BOC: variants seen among roughly 807,000 people sequenced by gnomAD.
BOC encodes brother of CDO.
In BOC, 76 loss-of-function variants were observed where a neutral mutation model predicts 112.0. That is an observed-to-expected ratio of 0.68 (90% confidence interval 0.56 to 0.82). BOC has a LOEUF of 0.82. BOC is among the 40% of genes least tolerant of loss of function. The pLI is 0.00. For missense variants in BOC, 1,309 were observed against 1,511.7 expected (o/e 0.87, Z 2.22); for synonymous variants, 580 against 599.8 (o/e 0.97, Z 0.48).
In BOC at chr3:113,286,807, T is replaced by A; in HGVS notation, c.3293T>A (p.Leu1098His). Reference protein sequence around the residue: ...AYVGQEPGMQLSPGPLVRVSF... With the variant: ...AYVGQEPGMQHSPGPLVRVSF... Reference sequence around the variant, plus strand: ...GTAGGACAGGAACCTGGAATGCAGCTCTCCCCGGGGCCACTGGTGCGTGTG... The same window carrying A: ...GTAGGACAGGAACCTGGAATGCAGCACTCCCCGGGGCCACTGGTGCGTGTG... The change falls in exon 20 of 20, where the codon CTC becomes CAC. Residue 1098 changes from leucine (L) to histidine (H), a missense_variant. Transcript: ENST00000682979. 1 of 1,611,378 alleles carries A rather than the reference T, an allele frequency of 6.2e-7. No individual in the cohort carries two copies. The highest frequency in any genetic ancestry group is 8.5e-7 in the Non-Finnish European group (1 of 1,179,092).
At chr3:113,250,918 C>A in intron 4 of BOC, 85 bp downstream of exon 4, 1 of 1,515,324 alleles carries the variant, frequency 6.6e-7, no homozygotes, top group East Asian at 2.3e-5. Flanking sequence ...CATGCTGCCT[C>A]TTGTTACTCT....
At chr3:113,215,142 C>A (rs1187364000) in intron 1 of BOC, among the ~76,000 whole-genome samples, 4 of 152,278 alleles carry the variant, frequency 2.6e-5, no homozygotes, top group Middle Eastern at 3.4e-3. Context: ...CCACATGGAG[C>A]CTTAACATGT....
At chr3:113,277,488 G>A (rs6779010) in intron 9 of BOC, among the ~76,000 whole-genome samples, 3,235 of 152,318 alleles carry the variant, frequency 0.021, 129 homozygotes, top group African/African-American at 0.073. Context: ...CTCACTAGCC[G>A]TGTGGCCTTG....
chr3:113,226,888 G>T (rs1038182525), intron 2 of BOC, among the ~76,000 whole-genome samples: 30 of 152,182 alleles, frequency 2.0e-4, no homozygotes, highest in Non-Finnish European at 1.2e-4. Flanking sequence ...TGCCATAGGG[G>T]CCTGAAGACA....
At position 113,278,511 on chromosome 3, in the gene BOC, A is replaced by G. The variant is rs888643904; in HGVS notation, c.1706-162A>G. On this transcript the variant is annotated intron_variant, in intron 10 of 19. Coordinates refer to ENST00000682979, the MANE Select transcript of BOC (RefSeq NM_001378074.1). The surrounding 1 kb of genome is among the most constrained non-coding windows in gnomAD (Gnocchi z 4.2). ...GGGCCAGCAATAGTACCACAACAGA[A>G]CCAGTCTCGGCCGAGGCTGAGCCCA... is the stretch of plus-strand genomic sequence containing the variant. Among the ~76,000 whole-genome samples, 4 of 151,762 alleles carry G rather than the reference A, an allele frequency of 2.6e-5. No homozygotes were observed. The highest frequency in any genetic ancestry group is 9.7e-5 in the African/African-American group (4 of 41,310).
intron 4 of BOC, chr3:113,251,310 A>G (rs2036282): frequency 0.2 from 40,073 of 200,836 alleles, 5,141 homozygotes; most frequent in East Asian, 0.46. Context: ...GAGCCCACCC[A>G]GCCCAGACTT....
chr3:113,245,119 C>T (rs770240459), intron 2 of BOC, among the ~76,000 whole-genome samples: 4 of 151,688 alleles, frequency 2.6e-5, no homozygotes, highest in South Asian at 4.2e-4. Context: ...GAGGTCCCTC[C>T]GAATTAAAAA....
chr3:113,252,308 A>C (rs1446110119), intron 4 of BOC, among the ~76,000 whole-genome samples: 3 of 152,170 alleles, frequency 2.0e-5, no homozygotes, highest in Admixed American at 1.3e-4. Context: ...CTCATGACTC[A>C]GCAGCACCCC....
intron 17 of BOC, 86 bp from the exon 18 acceptor site, chr3:113,284,696 A>G: frequency 1.3e-6 from 2 of 1,521,504 alleles, no homozygotes; most frequent in Non-Finnish European, 1.8e-6. Flanking sequence ...TTTAGTCAGG[A>G]GCAGATGCTC....
chr3:113,287,076 A>G lies in BOC; in HGVS notation c.*214A>G. The stretch of plus-strand genomic sequence containing the variant: ...GGAGAGGGAAAATAAAGAAGCTGCC[A>G]CCTAACAGGAGTCACCCAGGAAAGC... On this transcript the variant is annotated 3_prime_UTR_variant, in exon 20 of 20. Coordinates refer to ENST00000682979, the MANE Select transcript of BOC (RefSeq NM_001378074.1). 1.6e-6 allele frequency: 1 copy of G among 607,098 alleles called. No individual in the cohort carries two copies. The allele number at this position is 607,098 out of a possible 1,614,324, so 37.6% of individuals were successfully genotyped here.
Position 113,283,494 on chromosome 3 carries a change from C to T in BOC, c.2518C>T (p.Arg840Trp), listed in dbSNP as rs776727385. ...PQPPLPETIERPVGTGAMVAR... is the reference protein window; with the variant it reads ...PQPPLPETIEWPVGTGAMVAR... ...GCCGCCCCTTCCTGAAACCATAGAG[C>T]GGCCGGTGGGCACTGGGGCCATGGT... Residue 840 changes from arginine to tryptophan, a missense_variant, in exon 16 of 20, where the codon CGG (arginine) becomes TGG (tryptophan). Transcript: ENST00000682979. The T allele has an allele frequency of 3.0e-5, 48 of 1,613,958 alleles. No individual in the cohort carries two copies. Among genetic ancestry groups the T allele is most frequent in the African/African-American group, 4.0e-5 (3 of 74,886 alleles).
intron 16 of BOC, 98 bp downstream of exon 16, chr3:113,283,730 GC>G: frequency 8.3e-7 from 1 of 1,205,028 alleles, no homozygotes; most frequent in African/African-American, 1.5e-5. Flanking sequence ...GAAAGCTCAA[GC>G]CCAAGTCCCC....
chr3:113,265,787 A>G (rs1023542697), intron 4 of BOC, among the ~76,000 whole-genome samples: 5 of 152,244 alleles, frequency 3.3e-5, no homozygotes, highest in African/African-American at 1.2e-4. Context: ...CATTATTAAG[A>G]ATTTTCAGAT....
rs575797553 is a variant in BOC at position 113,270,970 on chromosome 3, G to A, written c.667+26G>A. 188 of 1,613,836 alleles carry A rather than the reference G, an allele frequency of 1.2e-4. No homozygotes were observed. The South Asian group carries it at 2.0e-3, about 17-fold the overall frequency. On this transcript the variant is annotated intron_variant, in intron 6 of 19. Coordinates refer to ENST00000682979, the MANE Select transcript of BOC (RefSeq NM_001378074.1). ...GTAAGGCCCGGGCCCACCTGCTGGG[G>A]GATGGGGGATCACTGATGGAAGGGC...
intron 4 of BOC, among the ~76,000 whole-genome samples, chr3:113,267,743 T>C (rs1220097625): frequency 6.6e-6 from 1 of 152,250 alleles, no homozygotes; most frequent in Non-Finnish European, 1.5e-5. Context: ...TTCTTTTTTT[T>C]TGAGACATAG....
chr3:113,278,683 C>A lies in BOC; in HGVS notation c.1716C>A (p.Pro572=). ...CCCATTTCCACCCAGGACGGCGGCCCAAACCCGAGATCATGGCCAGCAAAG... is the reference window on the plus strand; with the variant it reads ...CCCATTTCCACCCAGGACGGCGGCCAAAACCCGAGATCATGGCCAGCAAAG... ...AMVTFRTGRR[P]KPEIMASKEQ... Residue 572 remains proline (P), a synonymous_variant, in exon 11 of 20, where the codon CCC becomes CCA. Coordinates refer to ENST00000682979, the MANE Select transcript of BOC (RefSeq NM_001378074.1). This position sits in a 1 kb window ranked among gnomAD's most constrained non-coding sequence, Gnocchi z 4.2. The A allele has an allele frequency of 6.4e-7, 1 of 1,562,584 alleles. No individual in the cohort carries two copies. Among genetic ancestry groups the A allele is most frequent in the Admixed American group, 1.9e-5 (1 of 52,702 alleles).
chr3:113,214,216 T>C (rs1938851428), intron 1 of BOC, among the ~76,000 whole-genome samples: 1 of 152,230 alleles, frequency 6.6e-6, no homozygotes, highest in Non-Finnish European at 1.5e-5. Flanking sequence ...CTGTGTGATT[T>C]ATGTTCCTTT....
At chr3:113,283,368 T>C (rs1274250807) in intron 15 of BOC, 43 bp from the exon 16 acceptor site, 1 of 1,524,222 alleles carries the variant, frequency 6.6e-7, no homozygotes, top group Admixed American at 2.1e-5. Flanking sequence ...GAAGGAAATA[T>C]CAAAGAAACA....
chr3:113,249,529 C>A (rs559119055), intron 2 of BOC, among the ~76,000 whole-genome samples, 193 bp from the exon 3 acceptor site: 14 of 152,322 alleles, frequency 9.2e-5, no homozygotes, highest in African/African-American at 2.9e-4. Context: ...CCCTAGGGGG[C>A]AACTTATAAG....
Sources: allele counts gnomAD v4.1 joint callset (sites outside exome capture counted in the v4.1 genomes callset), GRCh38; gene constraint gnomAD v4.1.1; non-coding constraint Gnocchi (gnomAD v3.1); transcripts MANE v1.5; gene names NCBI Gene and HGNC (gene_info 2026-07-23, HGNC 2026-07-21).